Variants in CLCA4 observed in about 807,000 individuals in gnomAD.
CLCA4 encodes chloride channel accessory 4, also known as calcium-activated chloride channel regulator 4.
A neutral mutation model predicts 78.9 loss-of-function variants in CLCA4; 69 were observed. The observed-to-expected ratio is 0.87, with a 90% CI of 0.72 to 1.07. The LOEUF (loss-of-function observed/expected upper bound fraction) is 1.07. Ranked by LOEUF, CLCA4 falls within the 50% of genes least tolerant of loss-of-function variation. The pLI is 0.00. For synonymous variants in CLCA4, 362 were observed against 375.8 expected (o/e 0.96, Z 0.42); for missense variants, 1,133 against 1,095.8 (o/e 1.03, Z -0.48).
intron 3 of CLCA4, among the ~76,000 whole-genome samples, chr1:86,561,798 C>T (rs926328451): frequency 1.3e-5 from 2 of 152,084 alleles, no homozygotes; most frequent in African/African-American, 4.8e-5. Flanking sequence ...ACACCTCAAC[C>T]CTATTCTATT....
At chr1:86,553,247 C>A in intron 1 of CLCA4, 1 of 967,844 alleles carries the variant, frequency 1.0e-6, no homozygotes, top group South Asian at 1.4e-5. Context: ...ACTGCCGCTG[C>A]AAGCTGTACG....
At position 86,571,069 on chromosome 1, in the gene CLCA4, G is replaced by A. The variant is rs200167518; in HGVS notation, c.1183-8G>A. ...TGTTGGTAACTGTGCTCTGCATTATGTTTGCAGGTGATTGGAGAGCTACAT... is the reference window on the plus strand; with the variant it reads ...TGTTGGTAACTGTGCTCTGCATTATATTTGCAGGTGATTGGAGAGCTACAT... On this transcript the variant is annotated splice_region_variant and splice_polypyrimidine_tract_variant and intron_variant, in intron 7 of 13. Transcript: ENST00000370563. 2.5e-6 allele frequency: 4 copies of A among 1,602,470 alleles called. No individual in the cohort carries two copies. Among genetic ancestry groups the A allele is most frequent in the African/African-American group, 2.7e-5 (2 of 74,652 alleles).
chr1:86,574,749 TG>T lies in CLCA4; in HGVS notation c.1678del (p.Ala560GlnfsTer19), dbSNP rs1197640216. 2 of 1,610,584 alleles carry T rather than the reference TG, an allele frequency of 1.2e-6. No individual in the cohort carries two copies. Among genetic ancestry groups the T allele is most frequent in the African/African-American group, 2.7e-5 (2 of 74,806 alleles). On this transcript the variant is annotated frameshift_variant, in exon 10 of 14. Coordinates refer to ENST00000370563, the MANE Select transcript of CLCA4 (RefSeq NM_012128.4). LOFTEE classifies it high-confidence loss of function. Reference sequence around the variant, plus strand: ...TGGCCTATCTCAGTATTCCAGGAACTGCAAAGGTAAGCAATCAGCTTTTAGA... The same window carrying T: ...TGGCCTATCTCAGTATTCCAGGAACTCAAAGGTAAGCAATCAGCTTTTAGA... ...KMAYLSIPGT[A>X]KVGTWAYNLQ...
intron 6 of CLCA4, 28 bp downstream of exon 6, chr1:86,566,048 A>T (rs943344629): frequency 3.2e-6 from 5 of 1,582,682 alleles, no homozygotes; most frequent in Non-Finnish European, 3.5e-6. Flanking sequence ...GGATATAGGG[A>T]TGTAGGATAT....
chr1:86,580,437 A>T lies in CLCA4; in HGVS notation c.*92A>T. On this transcript the variant is annotated 3_prime_UTR_variant, in exon 14 of 14. Transcript: ENST00000370563. ...GTAAAGGATATTTCTGAATCTTAAA[A>T]TTCATCCCATGTGTGATCATAAACT... is the stretch of plus-strand genomic sequence containing the variant. The T allele has an allele frequency of 1.0e-6, 1 of 990,878 alleles. No homozygotes were observed. The highest frequency in any genetic ancestry group is 3.3e-5 in the Admixed American group (1 of 30,676). The allele number at this position is 990,878 out of a possible 1,614,324, so 61.4% of individuals were successfully genotyped here. A position where few individuals can be genotyped will look rare whatever the true frequency, so the allele number is the denominator to read the frequency against.
In CLCA4 at chr1:86,547,250, A is replaced by G; in HGVS notation, c.131A>G (p.Glu44Gly). The G allele has an allele frequency of 1.3e-6, 2 of 1,596,564 alleles. No homozygotes were observed. The highest frequency in any genetic ancestry group is 1.7e-6 in the Non-Finnish European group (2 of 1,174,726). The stretch of plus-strand genomic sequence containing the variant: ...ATTGTTATAGATCCTAGTGTGCCAG[A>G]AGATGAAAAAATAATTGAACAAATA... The part of the protein sequence containing the change: ...IVIVIDPSVP[E>G]DEKIIEQIED... Residue 44 changes from glutamate to glycine, a missense_variant, in exon 1 of 14, where the codon GAA (glutamate) becomes GGA (glycine). Physicochemically the swap from Glu to Gly is moderately conservative, Grantham distance 98. Coordinates refer to ENST00000370563, the MANE Select transcript of CLCA4 (RefSeq NM_012128.4).
intron 7 of CLCA4, among the ~76,000 whole-genome samples, chr1:86,570,113 T>C (rs1650306688): frequency 6.6e-6 from 1 of 152,024 alleles, no homozygotes; most frequent in African/African-American, 2.4e-5. Context: ...CTTCAAAACA[T>C]GCAAAAATTG....
chr1:86,576,503 T>A (rs1345913768), intron 11 of CLCA4, among the ~76,000 whole-genome samples: 1 of 152,058 alleles, frequency 6.6e-6, no homozygotes, highest in Non-Finnish European at 1.5e-5. Flanking sequence ...TTTTTTGTCA[T>A]CATTGTTGTT....
chr1:86,580,412 G>C lies in CLCA4; in HGVS notation c.*67G>C. ...AGTTTTAAAAAACAAAACAATGTAAGTAAAGGATATTTCTGAATCTTAAAA... is the reference window on the plus strand; with the variant it reads ...AGTTTTAAAAAACAAAACAATGTAACTAAAGGATATTTCTGAATCTTAAAA... On this transcript the variant is annotated 3_prime_UTR_variant, in exon 14 of 14. Transcript: ENST00000370563. 1 of 1,224,886 alleles carries C rather than the reference G, an allele frequency of 8.2e-7. No individual in the cohort carries two copies. The highest frequency in any genetic ancestry group is 1.8e-5 in the South Asian group (1 of 56,036). The allele number at this position is 1,224,886 out of a possible 1,614,324, so 75.9% of individuals were successfully genotyped here. A position where few individuals can be genotyped will look rare whatever the true frequency, so the allele number is the denominator to read the frequency against.
At chr1:86,568,129 A>G (rs1208918164) in intron 7 of CLCA4, among the ~76,000 whole-genome samples, 1 of 151,928 alleles carries the variant, frequency 6.6e-6, no homozygotes, top group Admixed American at 6.6e-5. Flanking sequence ...AGGGTAAGCC[A>G]TACGAGTTAG....
intron 10 of CLCA4, 67 bp from the exon 11 acceptor site, chr1:86,575,265 T>C (rs1650474132): frequency 1.6e-6 from 2 of 1,284,436 alleles, no homozygotes; most frequent in Non-Finnish European, 2.2e-6. Context: ...ATTTTAGAAT[T>C]ACATAATGGA....
chr1:86,579,518 G>T lies in CLCA4; in HGVS notation c.2287G>T (p.Ala763Ser). ...ACCAAGTCAAATCACAGACCTTGATGCCACAGTTCATGAGGATAAGATTAT... is the reference window on the plus strand; with the variant it reads ...ACCAAGTCAAATCACAGACCTTGATTCCACAGTTCATGAGGATAAGATTAT... ...YPPSQITDLD[A>S]TVHEDKIILT... The change falls in exon 13 of 14, where the codon GCC becomes TCC. Residue 763 changes from alanine (A) to serine (S), a missense_variant. Coordinates refer to ENST00000370563, the MANE Select transcript of CLCA4 (RefSeq NM_012128.4). 1 of 1,613,200 alleles carries T rather than the reference G, an allele frequency of 6.2e-7. No individual in the cohort carries two copies. Among genetic ancestry groups the T allele is most frequent in the East Asian group, 2.2e-5 (1 of 44,824 alleles).
chr1:86,557,135 A>T (rs868406540), intron 1 of CLCA4, among the ~76,000 whole-genome samples: 2 of 151,604 alleles, frequency 1.3e-5, no homozygotes, highest in African/African-American at 4.9e-5. Context: ...TAGCTTATAA[A>T]TTTTTTCAAA....
chr1:86,562,044 G>C (rs1650037885), intron 3 of CLCA4, among the ~76,000 whole-genome samples: 1 of 152,070 alleles, frequency 6.6e-6, no homozygotes, highest in Admixed American at 6.5e-5. Flanking sequence ...AGTATGGCCA[G>C]AGGCTGCCAT....
Position 86,580,059 on chromosome 1 carries a change from G to T in CLCA4, c.2474G>T (p.Ser825Ile). 6.2e-7 allele frequency: 1 copy of T among 1,612,910 alleles called. No individual in the cohort carries two copies. Among genetic ancestry groups the T allele is most frequent in the South Asian group, 1.1e-5 (1 of 91,042 alleles). Reference sequence around the variant, plus strand: ...CCAAAGGAGGCCAACTCCAAGGAAAGCTTTGCATTTAAACCAGAAAATATC... The same window carrying T: ...CCAAAGGAGGCCAACTCCAAGGAAATCTTTGCATTTAAACCAGAAAATATC... ...LSPKEANSKESFAFKPENISE... is the reference protein window; with the variant it reads ...LSPKEANSKEIFAFKPENISE... The change falls in exon 14 of 14, where the codon AGC becomes ATC. Residue 825 changes from serine (S) to isoleucine (I), a missense_variant. Ser to Ile is a moderately radical substitution (Grantham distance 142). Transcript: ENST00000370563.
At chr1:86,570,805 T>G (rs550780194) in intron 7 of CLCA4, among the ~76,000 whole-genome samples, 2 of 152,070 alleles carry the variant, frequency 1.3e-5, no homozygotes, top group African/African-American at 4.8e-5. Flanking sequence ...CAGGTTGAGA[T>G]GTTATTGTCA....
intron 8 of CLCA4, among the ~76,000 whole-genome samples, chr1:86,571,763 A>C (rs1650358194): frequency 1.3e-5 from 2 of 152,074 alleles, no homozygotes; most frequent in South Asian, 4.1e-4. Context: ...AGAAGCTCAG[A>C]CTGAAAAGAT....
intron 7 of CLCA4, among the ~76,000 whole-genome samples, chr1:86,570,860 C>CTTT (rs1650330013): frequency 6.6e-6 from 1 of 152,162 alleles, no homozygotes; most frequent in South Asian, 2.1e-4. Context: ...CACCGAATTC[C>CTTT]TTTAAATAAA....
At chr1:86,554,822 T>G (rs1649785426) in intron 1 of CLCA4, among the ~76,000 whole-genome samples, 1 of 152,130 alleles carries the variant, frequency 6.6e-6, no homozygotes, top group Non-Finnish European at 1.5e-5. Context: ...CAACAATGTA[T>G]AAGTGTTCCC....
Sources: gnomAD v4.1 joint callset for allele counts (sites outside exome capture counted in the v4.1 genomes callset) on GRCh38, gnomAD v4.1.1 for gene constraint, MANE v1.5 for transcripts, NCBI Gene and HGNC (gene_info 2026-07-23, HGNC 2026-07-21) for gene names.